Variants in SCN2A observed in about 807,000 individuals in gnomAD.
SCN2A encodes the protein sodium voltage-gated channel alpha subunit 2, also known as sodium channel protein type 2 subunit alpha.
In SCN2A, 20 loss-of-function variants were observed where a neutral mutation model predicts 188.7. That is an observed-to-expected ratio of 0.11 (90% CI 0.07 to 0.15). SCN2A has a LOEUF of 0.15. Among genes scored for constraint, SCN2A ranks in the 10% least tolerant of loss-of-function variants. The pLI, the probability that SCN2A is intolerant of heterozygous loss-of-function variation, is 1.00. For missense variants in SCN2A, 1,278 were observed against 2,445.0 expected (o/e 0.52, Z 10.07); for synonymous variants, 804 against 833.1 (o/e 0.97, Z 0.60).
At chr2:165,241,196 A>G (rs1319282117) in intron 1 of SCN2A, 4 of 151,932 alleles carry the variant, frequency 2.6e-5, no homozygotes, top group Non-Finnish European at 4.4e-5. Context: ...TGTAAAATAG[A>G]GTTTCTTTCA....
chr2:165,369,646 A>G (rs1700919688), intron 19 of SCN2A, among the ~76,000 whole-genome samples: 2 of 152,108 alleles, frequency 1.3e-5, no homozygotes, highest in Admixed American at 1.3e-4. Flanking sequence ...GGAATTTCCA[A>G]ACGTACACCC....
intron 22 of SCN2A, 30 bp downstream of exon 22, chr2:165,374,996 T>G: frequency 6.3e-7 from 1 of 1,596,946 alleles, no homozygotes; most frequent in Non-Finnish European, 8.6e-7. Context: ...TTTTCCATGA[T>G]GTGTAATTAA....
At chr2:165,286,519 T>G (rs1451044869) in intron 1 of SCN2A, among the ~76,000 whole-genome samples, 1 of 152,156 alleles carries the variant, frequency 6.6e-6, no homozygotes, top group African/African-American at 2.4e-5. Context: ...ATCTTATGTG[T>G]TTGACATTGT....
At chr2:165,243,657 C>G (rs1463785652) in intron 1 of SCN2A, 1 of 151,740 alleles carries the variant, frequency 6.6e-6, no homozygotes, top group African/African-American at 2.4e-5. Context: ...GAACTAGCTT[C>G]CTTATGAAGC....
intron 23 of SCN2A, among the ~76,000 whole-genome samples, chr2:165,377,864 C>T (rs1041421165): frequency 6.6e-6 from 1 of 151,698 alleles, no homozygotes; most frequent in Non-Finnish European, 1.5e-5. Flanking sequence ...CATATCTTTT[C>T]TAGTATTTAG....
Position 165,391,273 on chromosome 2 carries a change from T to C in SCN2A, c.*1449T>C, listed in dbSNP as rs1213232191. 6.6e-6 allele frequency: 1 copy of C among 152,518 alleles called. No individual in the cohort carries two copies. Among genetic ancestry groups the C allele is most frequent in the Non-Finnish European group, 1.5e-5 (1 of 68,002 alleles). The allele number at this position is 152,518 out of a possible 1,614,324, so 9.4% of individuals were successfully genotyped here. A position where few individuals can be genotyped will look rare whatever the true frequency, so the allele number is the denominator to read the frequency against. On this transcript the variant is annotated 3_prime_UTR_variant, in exon 27 of 27. Transcript: ENST00000375437. ...TTGCTTTTTATTCTTCCAACCTTAA[T>C]TGAACACTCAATGATGAAAAGCCCG...
intron 1 of SCN2A, among the ~76,000 whole-genome samples, chr2:165,249,965 T>A (rs1415858870): frequency 2.0e-5 from 3 of 152,020 alleles, no homozygotes; most frequent in Non-Finnish European, 4.4e-5. Context: ...GTATATAAAC[T>A]TTTGTCCTAA....
At chr2:165,370,657 T>C (rs1365215434) in intron 20 of SCN2A, 1 of 258,762 alleles carries the variant, frequency 3.9e-6, no homozygotes, top group Non-Finnish European at 7.6e-6. Context: ...GACATTAGTA[T>C]GTTTGTCATC....
At chr2:165,318,579 A>G (rs1047792432) in intron 11 of SCN2A, among the ~76,000 whole-genome samples, 1 of 152,228 alleles carries the variant, frequency 6.6e-6, no homozygotes, top group Non-Finnish European at 1.5e-5. Flanking sequence ...TTTCTCATAT[A>G]GCTGTCACAT....
chr2:165,388,034 C>T (rs1313398139), intron 26 of SCN2A, among the ~76,000 whole-genome samples: 1 of 152,116 alleles, frequency 6.6e-6, no homozygotes, highest in Non-Finnish European at 1.5e-5. Flanking sequence ...TATATATGCA[C>T]TTAGCACTGT....
chr2:165,260,222 C>A (rs1403729402), intron 1 of SCN2A, among the ~76,000 whole-genome samples: 1 of 152,064 alleles, frequency 6.6e-6, no homozygotes, highest in Non-Finnish European at 1.5e-5. Flanking sequence ...GGATTATAGG[C>A]GTGAGCCACT....
chr2:165,364,652 T>G (rs1358743539), intron 17 of SCN2A, among the ~76,000 whole-genome samples: 4 of 152,248 alleles, frequency 2.6e-5, no homozygotes, highest in African/African-American at 9.6e-5. Context: ...GTATATGTTT[T>G]CATGTCAATG....
At chr2:165,355,866 G>T (rs1700155788) in intron 17 of SCN2A, among the ~76,000 whole-genome samples, 1 of 152,124 alleles carries the variant, frequency 6.6e-6, no homozygotes, top group African/African-American at 2.4e-5. Context: ...AGGCGTGGTG[G>T]TGCGTGCCTG....
chr2:165,339,510 C>G (rs1363286317), intron 14 of SCN2A, among the ~76,000 whole-genome samples: 1 of 151,826 alleles, frequency 6.6e-6, no homozygotes, highest in African/African-American at 2.4e-5. Context: ...CCTAATAAAT[C>G]TTTAAAACTG....
At chr2:165,266,569 CAAACTTCA>C (rs773897622) in intron 1 of SCN2A, 2 of 152,102 alleles carry the variant, frequency 1.3e-5, no homozygotes, top group Non-Finnish European at 2.9e-5. Flanking sequence ...AACATGCAGT[CAAACTTCA>C]AATTGTATTG....
intron 1 of SCN2A, among the ~76,000 whole-genome samples, chr2:165,265,471 C>CTATCTA (rs1694804003): frequency 6.9e-5 from 2 of 29,016 alleles, no homozygotes; most frequent in African/African-American, 2.5e-4. Context: ...CTCTGTTGAT[C>CTATCTA]TATATATATA....
intron 17 of SCN2A, among the ~76,000 whole-genome samples, chr2:165,359,549 A>G (rs1700349066): frequency 1.3e-5 from 2 of 152,088 alleles, no homozygotes; most frequent in African/African-American, 4.8e-5. Flanking sequence ...GTAAAAGTCT[A>G]TGATTCTCCC....
chr2:165,348,839 T>C (rs1699741183), intron 16 of SCN2A, among the ~76,000 whole-genome samples: 1 of 152,198 alleles, frequency 6.6e-6, no homozygotes, highest in South Asian at 2.1e-4. Context: ...CAGGACCTTT[T>C]CCATAGGACT....
chr2:165,328,838 GT>G (rs1156685000), intron 13 of SCN2A, among the ~76,000 whole-genome samples: 1 of 152,060 alleles, frequency 6.6e-6, no homozygotes, highest in Admixed American at 6.6e-5. Flanking sequence ...TAATGGCCAA[GT>G]TTTTATTCTG....
Sources: allele counts gnomAD v4.1 joint callset (sites outside exome capture counted in the v4.1 genomes callset), GRCh38; gene constraint gnomAD v4.1.1; transcripts MANE v1.5; gene names NCBI Gene and HGNC (gene_info 2026-07-23, HGNC 2026-07-21).